Variants in ADAMTS12 observed in about 807,000 individuals in gnomAD.
ADAMTS12 encodes the protein ADAM metallopeptidase with thrombospondin type 1 motif 12, also known as A disintegrin and metalloproteinase with thrombospondin motifs 12.
In ADAMTS12, 118 loss-of-function variants were observed where a neutral mutation model predicts 167.8. That is an observed-to-expected ratio of 0.70 (90% CI 0.61 to 0.82). The LOEUF is 0.82. Ranked by LOEUF, ADAMTS12 falls within the 40% of genes least tolerant of loss-of-function variation. The pLI, the probability that ADAMTS12 is intolerant of heterozygous loss-of-function variation, is 0.00. For missense variants in ADAMTS12, 1,916 were observed against 1,998.8 expected (o/e 0.96, Z 0.79); for synonymous variants, 704 against 716.9 (o/e 0.98, Z 0.29).
chr5:33,567,419 C>T (rs944387184), intron 19 of ADAMTS12, among the ~76,000 whole-genome samples: 6 of 152,164 alleles, frequency 3.9e-5, no homozygotes, highest in South Asian at 2.1e-4. Flanking sequence ...TAAACTATGT[C>T]GACAGAAGAA....
At chr5:33,573,100 G>A (rs1473107214) in intron 19 of ADAMTS12, among the ~76,000 whole-genome samples, 1 of 152,128 alleles carries the variant, frequency 6.6e-6, no homozygotes, top group African/African-American at 2.4e-5. Flanking sequence ...AAATAAAACA[G>A]GATACAAAGA....
At chr5:33,698,091 G>A (rs759520984) in intron 3 of ADAMTS12, among the ~76,000 whole-genome samples, 68 of 152,326 alleles carry the variant, frequency 4.5e-4, no homozygotes, top group Non-Finnish European at 8.1e-4. Context: ...TGAGTAAGCA[G>A]GATGAACAAA....
At chr5:33,841,602 C>T (rs938898082) in intron 2 of ADAMTS12, among the ~76,000 whole-genome samples, 1 of 152,184 alleles carries the variant, frequency 6.6e-6, no homozygotes, top group Non-Finnish European at 1.5e-5. Flanking sequence ...TTATTTTTAT[C>T]CTACTGCTCA....
chr5:33,607,688 G>C (rs1473184809), intron 16 of ADAMTS12, among the ~76,000 whole-genome samples: 3 of 151,594 alleles, frequency 2.0e-5, no homozygotes, highest in African/African-American at 7.3e-5. Context: ...TGATTTCTTT[G>C]AGCAGTGTTT....
Position 33,721,492 on chromosome 5 carries a change from C to T in ADAMTS12, c.634+29912G>A, listed in dbSNP as rs138533609. Among the ~76,000 whole-genome samples, 336 of 152,278 alleles carry T rather than the reference C, an allele frequency of 2.2e-3. 1 individual carries two copies. Among genetic ancestry groups the T allele is most frequent in the Middle Eastern group, 0.01 (3 of 294 alleles). ...TCCCCTCTCTATAGCTCCAACATGG[C>T]TGGAGAAAAGGTCTCCATGGTCTCT... On this transcript the variant is annotated intron_variant, in intron 3 of 23. Transcript: ENST00000504830.
At chr5:33,656,755 A>G (rs2112207912) in intron 7 of ADAMTS12, among the ~76,000 whole-genome samples, 1 of 152,304 alleles carries the variant, frequency 6.6e-6, no homozygotes, top group African/African-American at 2.4e-5. Context: ...ATGTCCTTCC[A>G]CATTTCAGAA....
At chr5:33,875,976 A>G (rs1190877603) in intron 2 of ADAMTS12, among the ~76,000 whole-genome samples, 1 of 152,228 alleles carries the variant, frequency 6.6e-6, no homozygotes, top group East Asian at 1.9e-4. Flanking sequence ...CAGTATATAC[A>G]AAGTAAACAT....
At chr5:33,785,349 T>C (rs1007417909) in intron 2 of ADAMTS12, among the ~76,000 whole-genome samples, 7 of 152,074 alleles carry the variant, frequency 4.6e-5, no homozygotes, top group African/African-American at 1.4e-4. Flanking sequence ...AACTTTGCTC[T>C]CAAAATATGT....
At chr5:33,685,765 G>C (rs1402278852) in intron 3 of ADAMTS12, among the ~76,000 whole-genome samples, 1 of 152,122 alleles carries the variant, frequency 6.6e-6, no homozygotes, top group African/African-American at 2.4e-5. Context: ...CCATTTTCTA[G>C]TTTCCTTCTC....
rs754659898 is a variant in ADAMTS12 at position 33,576,005 on chromosome 5, C to T, written c.3972+49G>A. 2.6e-6 allele frequency: 4 copies of T among 1,552,618 alleles called. No homozygotes were observed. In the South Asian group the frequency reaches 3.8e-5, roughly 15 times the overall value. The stretch of plus-strand genomic sequence containing the variant: ...GAAATTTTCACATGAATTTAACACT[C>T]CTAGCTTTTTTCCATGTAAAACCAG... On this transcript the variant is annotated intron_variant, in intron 19 of 23. Coordinates refer to ENST00000504830, the MANE Select transcript of ADAMTS12 (RefSeq NM_030955.4).
intron 3 of ADAMTS12, among the ~76,000 whole-genome samples, chr5:33,690,952 A>C (rs980213446): frequency 6.6e-6 from 1 of 152,164 alleles, no homozygotes; most frequent in Admixed American, 6.5e-5. Context: ...GAAGTAATCA[A>C]CCGAGTGGAT....
chr5:33,831,871 G>A (rs1008269535), intron 2 of ADAMTS12, among the ~76,000 whole-genome samples: 1 of 152,214 alleles, frequency 6.6e-6, no homozygotes. Context: ...TATGGCCGAG[G>A]CCACTGCAGA....
intron 2 of ADAMTS12, among the ~76,000 whole-genome samples, chr5:33,803,770 G>A (rs1405237000): frequency 1.3e-5 from 2 of 152,266 alleles, no homozygotes; most frequent in East Asian, 3.9e-4. Flanking sequence ...GGTGTGTGCA[G>A]GGGAACTGCC....
chr5:33,880,878 C>G, intron 2 of ADAMTS12: 1 of 487,270 alleles, frequency 2.1e-6, no homozygotes, highest in South Asian at 4.0e-5. Context: ...ACTGATGTTG[C>G]TGGTTGGAGT....
intron 5 of ADAMTS12, among the ~76,000 whole-genome samples, chr5:33,677,665 A>G (rs996643003): frequency 6.6e-6 from 1 of 152,252 alleles, no homozygotes; most frequent in Admixed American, 6.5e-5. Context: ...TCAGAGCTCA[A>G]TTCAGGGATA....
At chr5:33,794,616 G>T (rs1049830542) in intron 2 of ADAMTS12, among the ~76,000 whole-genome samples, 1 of 108,096 alleles carries the variant, frequency 9.3e-6, no homozygotes, top group African/African-American at 3.6e-5. Flanking sequence ...AGGTAGGCAC[G>T]GCACTTCTTC....
At chr5:33,804,896 C>A (rs1046782807) in intron 2 of ADAMTS12, among the ~76,000 whole-genome samples, 1 of 151,828 alleles carries the variant, frequency 6.6e-6, no homozygotes. Flanking sequence ...GTAAGAAAAC[C>A]CTGCACTACA....
chr5:33,830,992 A>G (rs1748276601), intron 2 of ADAMTS12, among the ~76,000 whole-genome samples: 1 of 152,132 alleles, frequency 6.6e-6, no homozygotes, highest in Non-Finnish European at 1.5e-5. Flanking sequence ...TCCTGATTTA[A>G]TTCCATTTTC....
At chr5:33,880,091 C>A (rs889897519) in intron 2 of ADAMTS12, among the ~76,000 whole-genome samples, 27 of 152,330 alleles carry the variant, frequency 1.8e-4, no homozygotes, top group African/African-American at 6.5e-4. Context: ...GTTTGCCCTG[C>A]AGTTGCTGGT....
Sources: gnomAD v4.1 joint callset for allele counts (sites outside exome capture counted in the v4.1 genomes callset) on GRCh38, gnomAD v4.1.1 for gene constraint, MANE v1.5 for transcripts, NCBI Gene and HGNC (gene_info 2026-07-23, HGNC 2026-07-21) for gene names.